DPP10: variants seen among roughly 807,000 people sequenced by gnomAD.
DPP10 encodes inactive dipeptidyl peptidase 10.
Under a neutral mutation model 120.9 loss-of-function variants are expected in DPP10, and 33 were observed. That is an observed-to-expected ratio of 0.27 (90% CI 0.21 to 0.37). DPP10 has a LOEUF of 0.37. DPP10 is among the 10% of genes least tolerant of loss of function. The probability of loss-of-function intolerance (pLI) is 1.00; values close to 1 mark genes in which losing one functional copy is unlikely to be tolerated. For synonymous variants in DPP10, 337 were observed against 326.1 expected, an observed-to-expected ratio of 1.03 and a Z score of -0.36; for missense variants, 816 against 942.8, an observed-to-expected ratio of 0.87 and a Z score of 1.76.
At chr2:115,148,129 T>C (rs1395785143) in intron 1 of DPP10, among the ~76,000 whole-genome samples, 3 of 152,320 alleles carry the variant, frequency 2.0e-5, no homozygotes, top group Non-Finnish European at 4.4e-5. Context: ...CATTGTCACC[T>C]GAAGCCACAA....
chr2:115,675,886 G>A (rs916067205), intron 5 of DPP10, among the ~76,000 whole-genome samples: 2 of 152,118 alleles, frequency 1.3e-5, no homozygotes, highest in East Asian at 1.9e-4. Context: ...CCACATCCCT[G>A]GGGCCTGACA....
chr2:115,721,196 A>T (rs1046780193), intron 7 of DPP10, among the ~76,000 whole-genome samples: 5 of 152,190 alleles, frequency 3.3e-5, no homozygotes, highest in Admixed American at 6.5e-5. Flanking sequence ...TGTTAGGCAG[A>T]ATATCTGAAT....
At chr2:115,731,627 G>GGCCA (rs2092912663) in intron 8 of DPP10, among the ~76,000 whole-genome samples, 2 of 152,210 alleles carry the variant, frequency 1.3e-5, no homozygotes, top group Non-Finnish European at 2.9e-5. Context: ...TTGAATGTGT[G>GGCCA]TCTTTTGTTC....
intron 7 of DPP10, among the ~76,000 whole-genome samples, chr2:115,718,488 C>A (rs557034417): frequency 6.6e-6 from 1 of 152,242 alleles, no homozygotes; most frequent in African/African-American, 2.4e-5. Context: ...ACTATCTCTA[C>A]ATTTCTTAGA....
intron 1 of DPP10, among the ~76,000 whole-genome samples, chr2:115,038,258 T>TTTTATTTATTTA (rs80087104): frequency 1.3e-5 from 2 of 149,996 alleles, no homozygotes; most frequent in Non-Finnish European, 3.0e-5. Flanking sequence ...TTATTTATTA[T>TTTTATTTATTTA]TTTATTTATT....
intron 3 of DPP10, among the ~76,000 whole-genome samples, chr2:115,359,095 A>G (rs898354415): frequency 1.3e-5 from 2 of 152,130 alleles, no homozygotes; most frequent in Non-Finnish European, 2.9e-5. Context: ...AACTTGCCAC[A>G]CTGTAGCTTT....
At chr2:115,165,541 C>T (rs2052768988) in intron 1 of DPP10, among the ~76,000 whole-genome samples, 1 of 152,184 alleles carries the variant, frequency 6.6e-6, no homozygotes. Context: ...TATCACGCTA[C>T]TGATCTAAAT....
chr2:114,725,722 T>C (rs1702000625), intron 1 of DPP10, among the ~76,000 whole-genome samples: 2 of 152,336 alleles, frequency 1.3e-5, no homozygotes, highest in African/African-American at 4.8e-5. Flanking sequence ...CTTATGTCTC[T>C]TTTACAGAAG....
intron 1 of DPP10, among the ~76,000 whole-genome samples, chr2:114,474,493 A>G (rs143863909): frequency 6.0e-4 from 91 of 152,284 alleles, no homozygotes; most frequent in African/African-American, 2.1e-3. Flanking sequence ...ATGTTGGTGT[A>G]TACCTACCAT....
At chr2:115,442,363 TTGTGTGTGTG>T (rs555025083) in intron 3 of DPP10, among the ~76,000 whole-genome samples, 1 of 147,260 alleles carries the variant, frequency 6.8e-6, no homozygotes, top group Non-Finnish European at 1.5e-5. Flanking sequence ...GTGTGTGTGT[TTGTGTGTGTG>T]TGTGTGTGTG....
At chr2:115,622,510 C>CTTTTTTTTTTTTTTTTTTTTTATTT (rs2085029706) in intron 5 of DPP10, among the ~76,000 whole-genome samples, 1 of 117,448 alleles carries the variant, frequency 8.5e-6, no homozygotes, top group African/African-American at 3.4e-5. Context: ...ATTTTATTGT[C>CTTTTTTTTTTTTTTTTTTTTTATTT]TTTTTTTTTT....
At chr2:115,537,091 T>C (rs540289624) in intron 5 of DPP10, among the ~76,000 whole-genome samples, 181 of 152,180 alleles carry the variant, frequency 1.2e-3, no homozygotes, top group African/African-American at 4.2e-3. Flanking sequence ...AATAATATCA[T>C]GTTCTCATTT....
chr2:115,655,512 A>T (rs910044822), intron 5 of DPP10, among the ~76,000 whole-genome samples: 3 of 151,596 alleles, frequency 2.0e-5, no homozygotes, highest in South Asian at 2.1e-4. Flanking sequence ...TTGCTCATCA[A>T]TTGTATTTAT....
intron 3 of DPP10, among the ~76,000 whole-genome samples, chr2:115,448,144 A>G (rs1469301888): frequency 6.6e-6 from 1 of 152,188 alleles, no homozygotes; most frequent in African/African-American, 2.4e-5. Context: ...GGAACGGTGA[A>G]GTTTTGGAAA....
chr2:114,515,648 G>T (rs1465625653), intron 1 of DPP10, among the ~76,000 whole-genome samples: 3 of 152,122 alleles, frequency 2.0e-5, no homozygotes, highest in Non-Finnish European at 4.4e-5. Context: ...GGAGCCAGAG[G>T]TAGTTGCCAA....
intron 5 of DPP10, among the ~76,000 whole-genome samples, chr2:115,664,332 AT>A (rs1455468528): frequency 6.6e-6 from 1 of 151,994 alleles, no homozygotes. Flanking sequence ...TTGATTACAA[AT>A]TTTTCAAATT....
intron 1 of DPP10, chr2:115,131,189 T>A (rs1017471905): frequency 6.6e-6 from 1 of 152,142 alleles, no homozygotes; most frequent in Non-Finnish European, 1.5e-5. Context: ...CCAACATCTA[T>A]GAAAATAGAT....
At chr2:114,783,870 AC>A (rs771705314) in intron 1 of DPP10, among the ~76,000 whole-genome samples, 1 of 151,254 alleles carries the variant, frequency 6.6e-6, no homozygotes, top group Non-Finnish European at 1.5e-5. Flanking sequence ...TCCCCATCCT[AC>A]CTCTTGCTCT....
chr2:114,633,251 T>TC (rs1404433326), intron 1 of DPP10, among the ~76,000 whole-genome samples: 3 of 109,580 alleles, frequency 2.7e-5, no homozygotes, highest in Admixed American at 8.4e-5. Context: ...TTTCTTTCTT[T>TC]TTTTTTTTTT....
Sources: allele counts gnomAD v4.1 joint callset (sites outside exome capture counted in the v4.1 genomes callset), GRCh38; gene constraint gnomAD v4.1.1; transcripts MANE v1.5; gene names NCBI Gene and HGNC (gene_info 2026-07-23, HGNC 2026-07-21).